The following COL9A3 variants were observed in gnomAD, a reference collection of about 807,000 sequenced individuals.
COL9A3 encodes the protein collagen alpha-3(IX) chain.
A neutral mutation model predicts 110.2 loss-of-function variants in COL9A3; 82 were observed. The ratio of observed to expected loss-of-function variants is 0.74; its 90% CI spans 0.62 to 0.89. COL9A3 has a LOEUF of 0.89. Among genes scored for constraint, COL9A3 ranks in the 40% least tolerant of loss-of-function variants. COL9A3 has a pLI of 0.00. For missense variants in COL9A3, 1,066 were observed against 981.3 expected, an observed-to-expected ratio of 1.09 and a Z score of -1.15; for synonymous variants, 494 against 403.8, an observed-to-expected ratio of 1.22 and a Z score of -2.68.
intron 12 of COL9A3, 157 bp from the exon 13 acceptor site, chr20:62,825,660 A>G (rs1221007787): frequency 3.9e-6 from 3 of 764,364 alleles, no homozygotes; most frequent in Non-Finnish European, 6.8e-6. Context: ...CTGCTCTGGA[A>G]CTGTGGGCAA....
intron 3 of COL9A3, 41 bp from the exon 4 acceptor site, chr20:62,819,181 C>T: frequency 6.3e-7 from 1 of 1,594,920 alleles, no homozygotes; most frequent in East Asian, 2.2e-5. Flanking sequence ...GGCTCCAGGC[C>T]AGACCCCGCC....
At position 62,817,108 on chromosome 20, in the gene COL9A3, T is replaced by A; in HGVS notation, c.44T>A (p.Leu15Gln). The A allele has an allele frequency of 7.1e-7, 1 of 1,404,026 alleles. No homozygotes were observed. The highest frequency in any genetic ancestry group is 9.3e-7 in the Non-Finnish European group (1 of 1,073,956). The allele number at this position is 1,404,026 out of a possible 1,614,324, so 87.0% of individuals were successfully genotyped here. A position where few individuals can be genotyped will look rare whatever the true frequency, so the allele number is the denominator to read the frequency against. Residue 15 changes from leucine to glutamine, a missense_variant, in exon 1 of 32, where the codon CTG becomes CAG. Coordinates refer to ENST00000649368, the MANE Select transcript of COL9A3 (RefSeq NM_001853.4). ...RACAPLLLLL[L>Q]LGELLAAAGA... ...TGCGCCCCGCTCCTGCTCCTGCTCC[T>A]GCTCGGGGAGCTTCTGGCGGCCGCC...
In COL9A3 at chr20:62,836,294, C is replaced by T. The variant is rs2063634990; in HGVS notation, c.1509C>T (p.Val503=). Residue 503 remains valine (V), a synonymous_variant, in exon 28 of 32, where the codon GTC becomes GTT. Transcript: ENST00000649368. ...CCGGTCCTCTGGGCCTGCAGGGCGT[C>T]CCGGGTGTTCCTGGCATCACGGGGA... ...GPPGPLGLQG[V]PGVPGITGKP... 6.2e-7 allele frequency: 1 copy of T among 1,613,854 alleles called. No homozygotes were observed. The highest frequency in any genetic ancestry group is 2.2e-5 in the East Asian group (1 of 44,890).
intron 1 of COL9A3, 85 bp downstream of exon 1, chr20:62,817,227 C>A: frequency 9.9e-7 from 1 of 1,007,242 alleles, no homozygotes; most frequent in African/African-American, 1.7e-5. Context: ...GTGCCCGGCG[C>A]AGCCTCGACG....
chr20:62,834,437 CAGTCGTGAGT>C (rs2063619702), intron 26 of COL9A3, among the ~76,000 whole-genome samples: 1 of 152,204 alleles, frequency 6.6e-6, no homozygotes, highest in African/African-American at 2.4e-5. Context: ...ACAAATGGAG[CAGTCGTGAGT>C]CCGAGGGAAG....
At chr20:62,823,056 G>T (rs1362471415) in intron 10 of COL9A3, among the ~76,000 whole-genome samples, 2 of 152,236 alleles carry the variant, frequency 1.3e-5, no homozygotes, top group Admixed American at 6.5e-5. Flanking sequence ...ACAGGCTCAG[G>T]TCAGGCGCAG....
rs755410518 is a variant in COL9A3, at chr20:62,817,599, AGGGCCGCCC to A, written c.115_123del (p.Pro39_Gly41del). The stretch of plus-strand genomic sequence containing the variant: ...GACTCCCCGGCCCCCCCGGCCCCCC[AGGGCCGCCC>A]GGGAAGCCCGGCCAGGACGGCATTG... On this transcript the variant is annotated inframe_deletion, in exon 2 of 32. Transcript: ENST00000649368. The A allele has an allele frequency of 1.3e-6, 2 of 1,546,978 alleles. No individual in the cohort carries two copies. The highest frequency in any genetic ancestry group is 2.4e-5 in the South Asian group (2 of 83,808).
chr20:62,837,583 C>T (rs935529738), intron 30 of COL9A3, among the ~76,000 whole-genome samples: 5 of 149,760 alleles, frequency 3.3e-5, no homozygotes, highest in Non-Finnish European at 5.9e-5. Context: ...CTGAGGTGGG[C>T]AGATCACGAG....
chr20:62,819,269 G>T lies in COL9A3; in HGVS notation c.231G>T (p.Gly77=), dbSNP rs551957370. The T allele has an allele frequency of 1.2e-6, 2 of 1,612,010 alleles. No individual in the cohort carries two copies. The highest frequency in any genetic ancestry group is 1.3e-5 in the African/African-American group (1 of 74,916). Residue 77 remains glycine, a synonymous_variant, in exon 4 of 32, where the codon GGG becomes GGT. Transcript: ENST00000649368. ...AGCCGGGGAAACCAGGAGAGGCTGG[G>T]CTGCCGGGACTGCCGGGTGTGGATG... ...PGKPGKPGEA[G]LPGLPGVDGL...
At chr20:62,832,927 C>T (rs776058374) in intron 25 of COL9A3, 93 bp from the exon 26 acceptor site, 3 of 1,190,050 alleles carry the variant, frequency 2.5e-6, no homozygotes, top group South Asian at 1.2e-5. Context: ...ATGAACATTA[C>T]ACCTACGGAG....
intron 13 of COL9A3, 148 bp from the exon 14 acceptor site, chr20:62,826,056 G>A: frequency 9.4e-7 from 1 of 1,069,244 alleles, no homozygotes; most frequent in Non-Finnish European, 1.4e-6. Flanking sequence ...CAAGGCTGGT[G>A]CCCCCTCCCT....
Position 62,840,565 on chromosome 20 carries a change from A to C in COL9A3, c.1888A>C (p.Ser630Arg). 2 of 1,612,470 alleles carry C rather than the reference A, an allele frequency of 1.2e-6. No individual in the cohort carries two copies. The highest frequency in any genetic ancestry group is 1.7e-5 in the Admixed American group (1 of 60,020). Reference sequence around the variant, plus strand: ...AGGACCCCAAGGCGTGCCCGGCACCAGCAAGGACGGCCAGGACGGTGCTCC... The same window carrying C: ...AGGACCCCAAGGCGTGCCCGGCACCCGCAAGGACGGCCAGGACGGTGCTCC... ...PQGPQGVPGT[S>R]KDGQDGAPGE... Residue 630 changes from serine to arginine, a missense_variant, in exon 32 of 32, where the codon AGC (serine) becomes CGC (arginine). Coordinates refer to ENST00000649368, the MANE Select transcript of COL9A3 (RefSeq NM_001853.4).
At position 62,836,175 on chromosome 20, in the gene COL9A3, G is replaced by C. The variant is rs762417545; in HGVS notation, c.1402-12G>C. 6.2e-7 allele frequency: 1 copy of C among 1,612,884 alleles called. No individual in the cohort carries two copies. The highest frequency in any genetic ancestry group is 1.1e-5 in the South Asian group (1 of 91,018). ...GCTCGCCCCTGACCCACCTTCCTCTGTTCCTCTGCAGTCTGGCAGTCGAGG... is the reference window on the plus strand; with the variant it reads ...GCTCGCCCCTGACCCACCTTCCTCTCTTCCTCTGCAGTCTGGCAGTCGAGG... On this transcript the variant is annotated splice_polypyrimidine_tract_variant and intron_variant, in intron 27 of 31. Transcript: ENST00000649368.
intron 15 of COL9A3, 44 bp downstream of exon 15, chr20:62,826,864 T>G: frequency 6.2e-7 from 1 of 1,602,248 alleles, no homozygotes. Flanking sequence ...TCGTGACCTC[T>G]CTCCCCTTTC....
intron 10 of COL9A3, among the ~76,000 whole-genome samples, chr20:62,823,876 G>A (rs781690586): frequency 2.0e-5 from 3 of 152,244 alleles, no homozygotes; most frequent in South Asian, 2.1e-4. Context: ...AGTGTCTGCC[G>A]TGGGGCCGGC....
intron 6 of COL9A3, 121 bp downstream of exon 6, chr20:62,821,337 C>T (rs2063510681): frequency 7.4e-7 from 1 of 1,344,084 alleles, no homozygotes; most frequent in Non-Finnish European, 1.0e-6. Context: ...TCTGCAGCCT[C>T]TCCGGAGGCT....
chr20:62,829,305 C>T (rs2063577485), intron 19 of COL9A3, 150 bp from the exon 20 acceptor site: 1 of 1,077,878 alleles, frequency 9.3e-7, no homozygotes, highest in South Asian at 1.5e-5. Flanking sequence ...GTCAAAGCCG[C>T]ACCTCAGGTC....
At chr20:62,837,680 GC>G (rs1568766349) in intron 30 of COL9A3, among the ~76,000 whole-genome samples, 8 of 152,096 alleles carry the variant, frequency 5.3e-5, no homozygotes, top group Non-Finnish European at 8.8e-5. Flanking sequence ...GGTGGCACAC[GC>G]CTGTAATCCC....
chr20:62,821,163 C>A lies in COL9A3; in HGVS notation c.310-18C>A. 6.2e-7 allele frequency: 1 copy of A among 1,612,632 alleles called. No homozygotes were observed. Among genetic ancestry groups the A allele is most frequent in the Non-Finnish European group, 8.5e-7 (1 of 1,179,618 alleles). ...ATAGAGGCCCAGCCCAACCTAGACG[C>A]CTGCTTTCCTCCCACAGGGAAGTCT... is the stretch of plus-strand genomic sequence containing the variant. On this transcript the variant is annotated intron_variant, in intron 5 of 31. Coordinates refer to ENST00000649368, the MANE Select transcript of COL9A3 (RefSeq NM_001853.4).
Sources: gnomAD v4.1 joint callset for allele counts (sites outside exome capture counted in the v4.1 genomes callset) on GRCh38, gnomAD v4.1.1 for gene constraint, MANE v1.5 for transcripts, NCBI Gene and HGNC (gene_info 2026-07-23, HGNC 2026-07-21) for gene names.